Variants in PCDHGB2 observed in about 807,000 individuals in gnomAD.
The protein encoded by PCDHGB2 is protocadherin gamma subfamily B, 2.
PCDHGB2 carries 55 observed loss-of-function variants against 59.3 expected under a neutral mutation model. The observed-to-expected ratio is 0.93, with a 90% CI of 0.75 to 1.16. The LOEUF (loss-of-function observed/expected upper bound fraction) is 1.16, where lower values mean the gene tolerates loss of function less well. PCDHGB2 is among the 50% of genes most tolerant of loss of function. The probability of loss-of-function intolerance (pLI) is 0.00; values close to 1 mark genes in which losing one functional copy is unlikely to be tolerated. For synonymous variants in PCDHGB2, 516 were observed against 512.0 expected (o/e 1.01, Z -0.11); for missense variants, 1,228 against 1,198.5 (o/e 1.02, Z -0.36).
chr5:141,393,724 C>T (rs959974182), intron 1 of PCDHGB2: 1 of 1,613,570 alleles, frequency 6.2e-7, no homozygotes, highest in Non-Finnish European at 8.5e-7. Context: ...ATATCAATAG[C>T]AAAAAGTCTA....
At chr5:141,427,191 G>A (rs749528616) in intron 1 of PCDHGB2, 1 of 456,716 alleles carries the variant, frequency 2.2e-6, no homozygotes, top group South Asian at 1.5e-5. Flanking sequence ...TAAATCCAAA[G>A]ACTTAATAGA....
chr5:141,507,251 A>G (rs958917337), intron 3 of PCDHGB2: 3 of 152,400 alleles, frequency 2.0e-5, no homozygotes, highest in Non-Finnish European at 4.4e-5. Context: ...TGAATGTCAG[A>G]TAAACAGCAA....
Position 141,511,908 on chromosome 5 carries a change from A to T in PCDHGB2, c.*735A>T, listed in dbSNP as rs528200582. The T allele has an allele frequency of 4.5e-5, 7 of 156,536 alleles. No homozygotes were observed. The highest frequency in any genetic ancestry group is 1.9e-4 in the East Asian group (1 of 5,250). The allele number at this position is 156,536 out of a possible 1,614,324, so 9.7% of individuals were successfully genotyped here. A position where few individuals can be genotyped will look rare whatever the true frequency, so the allele number is the denominator to read the frequency against. On this transcript the variant is annotated 3_prime_UTR_variant, in exon 4 of 4. Transcript: ENST00000522605. ...GACTTCCCCCACCTCCTCCTCAAAC[A>T]AGAGACTCCACTGCATGTTCCAAGA...
At chr5:141,488,208 C>T (rs2099672939) in intron 1 of PCDHGB2, among the ~76,000 whole-genome samples, 1 of 152,152 alleles carries the variant, frequency 6.6e-6, no homozygotes, top group African/African-American at 2.4e-5. Flanking sequence ...GGACTCATAT[C>T]AAGTCCCTAC....
chr5:141,508,479 T>G (rs1361434920), intron 3 of PCDHGB2, among the ~76,000 whole-genome samples: 1 of 152,152 alleles, frequency 6.6e-6, no homozygotes, highest in Non-Finnish European at 1.5e-5. Flanking sequence ...TCTTTTACAT[T>G]CTGGATTTCC....
chr5:141,455,798 T>TA (rs2098831882), intron 1 of PCDHGB2, among the ~76,000 whole-genome samples: 1 of 152,036 alleles, frequency 6.6e-6, no homozygotes, highest in African/African-American at 2.4e-5. Flanking sequence ...GGAGATGCTT[T>TA]AAAAAATGAA....
At chr5:141,418,599 A>G in intron 1 of PCDHGB2, 1 of 1,614,054 alleles carries the variant, frequency 6.2e-7, no homozygotes, top group South Asian at 1.1e-5. Flanking sequence ...CAGGACGTGT[A>G]CAGGGTTAGC....
chr5:141,451,579 A>G (rs1222576609), intron 1 of PCDHGB2, among the ~76,000 whole-genome samples: 1 of 152,084 alleles, frequency 6.6e-6, no homozygotes, highest in Non-Finnish European at 1.5e-5. Flanking sequence ...TTATAAACCT[A>G]ATTTTGAAAG....
chr5:141,361,949 C>A lies in PCDHGB2; in HGVS notation c.1814C>A (p.Ser605Tyr), dbSNP rs202129585. The part of the protein sequence containing the change: ...DADSGHNAWL[S>Y]YHVLQASEPG... Reference sequence around the variant, plus strand: ...GACTCAGGACACAACGCTTGGCTGTCCTACCACGTGCTGCAGGCCAGCGAG... The same window carrying A: ...GACTCAGGACACAACGCTTGGCTGTACTACCACGTGCTGCAGGCCAGCGAG... Residue 605 changes from serine (S) to tyrosine (Y), a missense_variant, in exon 1 of 4, where the codon TCC becomes TAC. By Grantham distance (144) the Ser-to-Tyr change is moderately radical. Around this residue, in one of 3 missense-constraint regions of PCDHGB2, gnomAD observed 433 missense variants for 441.8 expected, o/e 0.98. Coordinates refer to ENST00000522605, the MANE Select transcript of PCDHGB2 (RefSeq NM_018923.3). 3.8e-3 allele frequency: 6,045 copies of A among 1,604,150 alleles called. 134 individuals carry two copies. The South Asian group carries it at 0.045, about 12-fold the overall frequency.
chr5:141,409,714 C>T (rs1053132512), intron 1 of PCDHGB2: 1 of 1,613,226 alleles, frequency 6.2e-7, no homozygotes, highest in Non-Finnish European at 8.5e-7. Flanking sequence ...TGTCGTCATA[C>T]GTGTCAGTGA....
intron 1 of PCDHGB2, chr5:141,402,985 A>G: frequency 6.2e-7 from 1 of 1,609,390 alleles, no homozygotes; most frequent in Non-Finnish European, 8.5e-7. Context: ...AGCTCCGCGG[A>G]AGATTAGTCC....
In PCDHGB2 at chr5:141,401,291, G is replaced by A. The variant is rs565015907; in HGVS notation, c.2421+38735G>A. On this transcript the variant is annotated intron_variant, in intron 1 of 3. Transcript: ENST00000522605. ...TGGCAGGTGGAGGTTGCGGTGAGCC[G>A]AGATCACTCCATTGCATTCCAGCCT... is the stretch of plus-strand genomic sequence containing the variant. Among the ~76,000 whole-genome samples the A allele has an allele frequency of 8.5e-5, 13 of 152,194 alleles. No individual in the cohort carries two copies. The South Asian group carries it at 2.5e-3, about 29-fold the overall frequency.
At chr5:141,462,100 G>T (rs1202526885) in intron 1 of PCDHGB2, among the ~76,000 whole-genome samples, 1 of 152,164 alleles carries the variant, frequency 6.6e-6, no homozygotes, top group Non-Finnish European at 1.5e-5. Flanking sequence ...TGGGATTACA[G>T]GCATGAGCCA....
chr5:141,365,309 C>T lies in PCDHGB2; in HGVS notation c.2421+2753C>T, dbSNP rs200560640. 105 of 1,613,826 alleles carry T rather than the reference C, an allele frequency of 6.5e-5. 1 individual carries two copies. The highest frequency in any genetic ancestry group is 8.5e-5 in the Non-Finnish European group (100 of 1,179,886). ...AGTGGTAGCTCAGGATGGAGGCGCT[C>T]TTGTTGCCAGCGCTAAGGTGGTGGT... On this transcript the variant is annotated intron_variant, in intron 1 of 3. Transcript: ENST00000522605.
At chr5:141,399,959 G>A (rs1257286209) in intron 1 of PCDHGB2, 4 of 1,612,230 alleles carry the variant, frequency 2.5e-6, no homozygotes, top group South Asian at 1.1e-5. Flanking sequence ...AGCGAGCCCG[G>A]GCTCTTCAGC....
At chr5:141,504,528 C>T (rs750099460) in intron 2 of PCDHGB2, among the ~76,000 whole-genome samples, 2 of 151,854 alleles carry the variant, frequency 1.3e-5, no homozygotes, top group Non-Finnish European at 2.9e-5. Flanking sequence ...ATATTTTATT[C>T]GTGTCATCAT....
intron 1 of PCDHGB2, chr5:141,410,703 C>G (rs763776263): frequency 1.1e-5 from 16 of 1,467,494 alleles, no homozygotes; most frequent in Non-Finnish European, 9.1e-7. Flanking sequence ...ATTTTCATAT[C>G]TAGAATCATA....
At chr5:141,435,516 C>T (rs2097767967) in intron 1 of PCDHGB2, among the ~76,000 whole-genome samples, 1 of 152,058 alleles carries the variant, frequency 6.6e-6, no homozygotes, top group Non-Finnish European at 1.5e-5. Context: ...CTAATGATGA[C>T]TTTGTGGAAT....
chr5:141,456,389 TTTGA>T (rs1181323617), intron 1 of PCDHGB2, among the ~76,000 whole-genome samples: 2 of 152,074 alleles, frequency 1.3e-5, no homozygotes, highest in Non-Finnish European at 2.9e-5. Flanking sequence ...CCGTTTGGAG[TTTGA>T]TTGCTTCTAG....
Sources: allele counts gnomAD v4.1 joint callset (sites outside exome capture counted in the v4.1 genomes callset), GRCh38; gene constraint gnomAD v4.1.1; regional missense constraint gnomAD v4.1.1; transcripts MANE v1.5; gene names NCBI Gene and HGNC (gene_info 2026-07-23, HGNC 2026-07-21).